The following EPHA3 variants were observed in gnomAD, a reference collection of about 807,000 sequenced individuals.
EPHA3 encodes the protein ephrin type-A receptor 3.
EPHA3 carries 42 observed loss-of-function variants against 107.1 expected under a neutral mutation model. The ratio of observed to expected loss-of-function variants is 0.39; its 90% confidence interval spans 0.31 to 0.51. EPHA3 has a LOEUF of 0.51. Among genes scored for constraint, EPHA3 ranks in the 20% least tolerant of loss-of-function variants. The pLI, the probability that EPHA3 is intolerant of heterozygous loss-of-function variation, is 0.78. For synonymous variants in EPHA3, 461 were observed against 424.8 expected (o/e 1.09, Z -1.05); for missense variants, 1,183 against 1,211.2 (o/e 0.98, Z 0.35).
At chr3:89,400,910 T>C (rs559749152) in intron 7 of EPHA3, among the ~76,000 whole-genome samples, 7 of 152,272 alleles carry the variant, frequency 4.6e-5, no homozygotes, top group African/African-American at 1.7e-4. Flanking sequence ...CCTTTAGAAA[T>C]AGATTACCCA....
intron 5 of EPHA3, among the ~76,000 whole-genome samples, chr3:89,364,523 AC>A (rs1406805177): frequency 6.6e-6 from 1 of 151,156 alleles, no homozygotes; most frequent in African/African-American, 2.4e-5. Flanking sequence ...TAGCTCCTTC[AC>A]ATTACAGTTT....
intron 16 of EPHA3, among the ~76,000 whole-genome samples, chr3:89,473,098 T>C (rs2107575870): frequency 6.6e-6 from 1 of 152,306 alleles, no homozygotes; most frequent in East Asian, 1.9e-4. Flanking sequence ...TCATAGTTGC[T>C]AAATAAACAT....
intron 2 of EPHA3, among the ~76,000 whole-genome samples, chr3:89,143,996 AC>A: frequency 6.6e-6 from 1 of 151,388 alleles, no homozygotes; most frequent in Non-Finnish European, 1.5e-5. Flanking sequence ...TTCCCCATTT[AC>A]CCCCACAGTT....
intron 3 of EPHA3, among the ~76,000 whole-genome samples, chr3:89,332,480 A>C (rs1333564084): frequency 6.6e-6 from 1 of 152,232 alleles, no homozygotes; most frequent in East Asian, 1.9e-4. Context: ...CAGAAGAAGG[A>C]AACACTTGAT....
At chr3:89,304,020 C>A (rs1400430138) in intron 3 of EPHA3, among the ~76,000 whole-genome samples, 1 of 152,084 alleles carries the variant, frequency 6.6e-6, no homozygotes, top group Non-Finnish European at 1.5e-5. Flanking sequence ...CATCTTTAGA[C>A]CATTTTCTTC....
At chr3:89,160,076 G>T (rs1413926065) in intron 2 of EPHA3, among the ~76,000 whole-genome samples, 1 of 152,026 alleles carries the variant, frequency 6.6e-6, no homozygotes, top group Non-Finnish European at 1.5e-5. Flanking sequence ...TCCTAAAGCA[G>T]TATACCAAAG....
At chr3:89,236,652 A>T (rs566142564) in intron 3 of EPHA3, among the ~76,000 whole-genome samples, 4 of 151,840 alleles carry the variant, frequency 2.6e-5, no homozygotes, top group African/African-American at 7.2e-5. Context: ...TAGTGGGTGC[A>T]GCGCACCAGC....
intron 15 of EPHA3, among the ~76,000 whole-genome samples, chr3:89,458,037 G>A (rs1710135011): frequency 6.6e-6 from 1 of 152,012 alleles, no homozygotes; most frequent in Admixed American, 6.6e-5. Flanking sequence ...GGTCTGCCAT[G>A]CAGATAAGCA....
chr3:89,287,402 C>T (rs1020493002), intron 3 of EPHA3, among the ~76,000 whole-genome samples: 1 of 152,000 alleles, frequency 6.6e-6, no homozygotes, highest in Admixed American at 6.6e-5. Context: ...GTCCTTTTAC[C>T]ATCATGTTGA....
intron 3 of EPHA3, among the ~76,000 whole-genome samples, chr3:89,285,098 G>T (rs1249487717): frequency 6.6e-6 from 1 of 152,082 alleles, no homozygotes; most frequent in African/African-American, 2.4e-5. Context: ...ACTCCAGCTT[G>T]GGCAACAGAG....
At chr3:89,125,985 TA>T (rs1290146066) in intron 1 of EPHA3, among the ~76,000 whole-genome samples, 1 of 151,652 alleles carries the variant, frequency 6.6e-6, no homozygotes, top group Non-Finnish European at 1.5e-5. Flanking sequence ...TCTTAACATT[TA>T]AAAGATTAAT....
At chr3:89,126,012 A>C (rs1704090190) in intron 1 of EPHA3, among the ~76,000 whole-genome samples, 1 of 151,756 alleles carries the variant, frequency 6.6e-6, no homozygotes, top group Admixed American at 6.6e-5. Flanking sequence ...CTTTGCAAAA[A>C]AAAATACTTG....
chr3:89,392,437 G>GA (rs74591061), intron 5 of EPHA3, among the ~76,000 whole-genome samples: 6,731 of 140,354 alleles, frequency 0.048, 145 homozygotes, highest in Middle Eastern at 0.09. Flanking sequence ...AAACTCCATC[G>GA]AAAAAAAAAA....
At chr3:89,167,292 T>C (rs1258726354) in intron 2 of EPHA3, among the ~76,000 whole-genome samples, 1 of 152,134 alleles carries the variant, frequency 6.6e-6, no homozygotes, top group Non-Finnish European at 1.5e-5. Context: ...TTTTCAAATA[T>C]AAAATACATA....
At chr3:89,270,309 A>G (rs1434114486) in intron 3 of EPHA3, among the ~76,000 whole-genome samples, 1 of 151,982 alleles carries the variant, frequency 6.6e-6, no homozygotes, top group African/African-American at 2.4e-5. Context: ...AAACTAGGCT[A>G]TTGGTTTACC....
At position 89,408,065 on chromosome 3, in the gene EPHA3, A is replaced by G; in HGVS notation, c.1698-2A>G. On this transcript the variant is annotated splice_acceptor_variant, in intron 8 of 16. Coordinates refer to ENST00000336596, the MANE Select transcript of EPHA3 (RefSeq NM_005233.6). LOFTEE classifies it high-confidence loss of function. ...TGTTCGCTTTCCTTGATTTACCTCC[A>G]GGTTCTGTGGCTATAAGTCAAAACA... 1 of 1,612,702 alleles carries G rather than the reference A, an allele frequency of 6.2e-7. No individual in the cohort carries two copies. The highest frequency in any genetic ancestry group is 8.5e-7 in the Non-Finnish European group (1 of 1,179,004).
chr3:89,265,420 T>A (rs1705512832), intron 3 of EPHA3, among the ~76,000 whole-genome samples: 1 of 152,182 alleles, frequency 6.6e-6, no homozygotes, highest in Non-Finnish European at 1.5e-5. Flanking sequence ...AAAAGTTATT[T>A]TCTAAAAAAT....
intron 6 of EPHA3, among the ~76,000 whole-genome samples, chr3:89,397,706 C>T (rs368354028): frequency 3.9e-5 from 6 of 151,992 alleles, no homozygotes; most frequent in South Asian, 2.1e-4. Flanking sequence ...GCCTCAGCCT[C>T]CCAAGTAGCT....
intron 2 of EPHA3, among the ~76,000 whole-genome samples, chr3:89,204,234 A>G (rs1391650516): frequency 6.6e-6 from 1 of 152,176 alleles, no homozygotes; most frequent in African/African-American, 2.4e-5. Context: ...TATATTCCAT[A>G]AGGCAATTCT....
Sources: gnomAD v4.1 joint callset for allele counts (sites outside exome capture counted in the v4.1 genomes callset) on GRCh38, gnomAD v4.1.1 for gene constraint, MANE v1.5 for transcripts, NCBI Gene and HGNC (gene_info 2026-07-23, HGNC 2026-07-21) for gene names.